SESTD1: variants seen among roughly 807,000 people sequenced by gnomAD.
The protein encoded by SESTD1 is SEC14 and spectrin domain containing 1.
In SESTD1, 43 loss-of-function variants were observed where a neutral mutation model predicts 101.7. That is an observed-to-expected ratio of 0.42 (90% CI 0.33 to 0.55). SESTD1 has a LOEUF of 0.55. Ranked by LOEUF, SESTD1 falls within the 20% of genes least tolerant of loss-of-function variation. SESTD1 has a pLI of 0.07. For missense variants in SESTD1, 647 were observed against 815.1 expected (o/e 0.79, Z 2.51); for synonymous variants, 283 against 286.8 (o/e 0.99, Z 0.13).
At chr2:179,110,511 C>T (rs2044484015) in intron 17 of SESTD1, among the ~76,000 whole-genome samples, 1 of 152,092 alleles carries the variant, frequency 6.6e-6, no homozygotes, top group Admixed American at 6.5e-5. Context: ...TATTCAGAAT[C>T]ACAGAATATT....
chr2:179,139,500 T>C (rs1448524781), intron 9 of SESTD1, among the ~76,000 whole-genome samples: 1 of 152,232 alleles, frequency 6.6e-6, no homozygotes, highest in Non-Finnish European at 1.5e-5. Flanking sequence ...TTCACCTGCT[T>C]CCTCATAGTT....
intron 17 of SESTD1, 41 bp from the exon 18 acceptor site, chr2:179,110,069 A>C: frequency 6.2e-7 from 1 of 1,604,494 alleles, no homozygotes; most frequent in South Asian, 1.1e-5. Context: ...GATTAATACA[A>C]ATCTATTAAC....
At chr2:179,170,659 T>C (rs1336845060) in intron 5 of SESTD1, among the ~76,000 whole-genome samples, 6 of 152,194 alleles carry the variant, frequency 3.9e-5, no homozygotes. Context: ...TGTGGGCCTC[T>C]AAACAGATTC....
chr2:179,183,835 A>G (rs915874950), intron 2 of SESTD1, among the ~76,000 whole-genome samples: 10 of 141,062 alleles, frequency 7.1e-5, no homozygotes, highest in South Asian at 2.4e-4. Flanking sequence ...AAAAGAAAGG[A>G]GAGAGAGAGA....
intron 1 of SESTD1, among the ~76,000 whole-genome samples, chr2:179,201,215 A>T (rs1399981227): frequency 7.5e-6 from 1 of 134,092 alleles, no homozygotes; most frequent in Non-Finnish European, 1.6e-5. Flanking sequence ...AATCAAAACC[A>T]CAATGAGATA....
chr2:179,189,302 T>C (rs1231218413), intron 2 of SESTD1, among the ~76,000 whole-genome samples: 1 of 152,132 alleles, frequency 6.6e-6, no homozygotes, highest in Non-Finnish European at 1.5e-5. Context: ...AGTCACCACA[T>C]AAACAGAATT....
chr2:179,116,615 G>C, intron 15 of SESTD1, 53 bp downstream of exon 15: 1 of 1,613,276 alleles, frequency 6.2e-7, no homozygotes, highest in Admixed American at 1.7e-5. Flanking sequence ...TAATCATGCA[G>C]AAAGCTATTC....
chr2:179,178,073 AC>A (rs2046042390), intron 3 of SESTD1, among the ~76,000 whole-genome samples: 2 of 152,224 alleles, frequency 1.3e-5, no homozygotes, highest in Admixed American at 1.3e-4. Flanking sequence ...GCCAATGGGA[AC>A]ACAGTTTATT....
intron 1 of SESTD1, among the ~76,000 whole-genome samples, chr2:179,199,787 G>A (rs536136738): frequency 3.9e-5 from 6 of 152,266 alleles, no homozygotes; most frequent in African/African-American, 1.4e-4. Context: ...AATAAATTAG[G>A]TATTGATGGG....
At chr2:179,189,776 T>C (rs935594484) in intron 2 of SESTD1, among the ~76,000 whole-genome samples, 3 of 126,396 alleles carry the variant, frequency 2.4e-5, no homozygotes, top group African/African-American at 6.1e-5. Context: ...CAAACACCGA[T>C]GACACTCAAA....
chr2:179,228,690 T>C (rs570627530), intron 1 of SESTD1, among the ~76,000 whole-genome samples: 2 of 152,360 alleles, frequency 1.3e-5, no homozygotes, highest in East Asian at 3.9e-4. Context: ...TTAGTGGCCA[T>C]GTAAATACAA....
rs939654542 is a variant in SESTD1 at position 179,112,153 on chromosome 2, A to G, written c.1961+571T>C. The stretch of plus-strand genomic sequence containing the variant: ...TCACACATAAAGAAATTAGAACGCC[A>G]TATAACACAGTACAAAGGGAATGGG... On this transcript the variant is annotated intron_variant, in intron 17 of 17. Coordinates refer to ENST00000428443, the MANE Select transcript of SESTD1 (RefSeq NM_178123.5). Among the ~76,000 whole-genome samples, 3 of 152,358 alleles carry G rather than the reference A, an allele frequency of 2.0e-5. No homozygotes were observed. In the East Asian group the frequency reaches 5.8e-4, roughly 29 times the overall value.
At chr2:179,172,940 T>G (rs1364105455) in intron 4 of SESTD1, among the ~76,000 whole-genome samples, 2 of 152,198 alleles carry the variant, frequency 1.3e-5, no homozygotes, top group African/African-American at 4.8e-5. Flanking sequence ...ATATCATCAT[T>G]ACAAGGCTCC....
chr2:179,127,847 A>G (rs1342221378), intron 10 of SESTD1, among the ~76,000 whole-genome samples: 3 of 152,256 alleles, frequency 2.0e-5, no homozygotes, highest in African/African-American at 7.2e-5. Context: ...ACTATTTTAA[A>G]GTAGAAAATA....
chr2:179,240,171 A>T (rs2047130248), intron 1 of SESTD1, among the ~76,000 whole-genome samples: 1 of 152,210 alleles, frequency 6.6e-6, no homozygotes, highest in Non-Finnish European at 1.5e-5. Context: ...GGTGTAACAG[A>T]GACACACAGG....
chr2:179,176,395 G>T, intron 4 of SESTD1, 53 bp downstream of exon 4: 4 of 1,366,106 alleles, frequency 2.9e-6, no homozygotes, highest in Non-Finnish European at 4.2e-6. Context: ...TTTTCACCAG[G>T]ATCTGTTGCT....
At position 179,108,645 on chromosome 2, in the gene SESTD1, A is replaced by G. The variant is rs1008258761; in HGVS notation, c.*1254T>C. 6.6e-6 allele frequency: 1 copy of G among 152,030 alleles called. No individual in the cohort carries two copies. Among genetic ancestry groups the G allele is most frequent in the African/African-American group, 2.4e-5 (1 of 41,418 alleles). 9.4% of individuals were successfully genotyped at this position (152,030 alleles called of 1,614,324 possible). A position where few individuals can be genotyped will look rare whatever the true frequency, so the allele number is the denominator to read the frequency against. On this transcript the variant is annotated 3_prime_UTR_variant, in exon 18 of 18. Transcript: ENST00000428443. ...TACACGAGCATGTTTGTAGACCTCA[A>G]AAAGGAACCAGTATACAACTCGTTT...
At chr2:179,172,892 T>C (rs1220326203) in intron 4 of SESTD1, among the ~76,000 whole-genome samples, 1 of 152,370 alleles carries the variant, frequency 6.6e-6, no homozygotes, top group East Asian at 1.9e-4. Context: ...TTCTACCGCC[T>C]GCATTGTTAA....
At chr2:179,186,019 T>C (rs2046226440) in intron 2 of SESTD1, among the ~76,000 whole-genome samples, 1 of 145,030 alleles carries the variant, frequency 6.9e-6, no homozygotes, top group Non-Finnish European at 1.5e-5. Flanking sequence ...TACAATATAG[T>C]ATATTACATA....
Sources: gnomAD v4.1 joint callset for allele counts (sites outside exome capture counted in the v4.1 genomes callset) on GRCh38, gnomAD v4.1.1 for gene constraint, MANE v1.5 for transcripts, NCBI Gene and HGNC (gene_info 2026-07-23, HGNC 2026-07-21) for gene names.